RAB40B: variants seen among roughly 807,000 people sequenced by gnomAD.
RAB40B encodes ras-related protein Rab-40B.
Under a neutral mutation model 24.0 loss-of-function variants are expected in RAB40B, and 21 were observed. The observed-to-expected ratio is 0.88, with a 90% CI of 0.62 to 1.26. RAB40B has a LOEUF of 1.26. RAB40B is among the 50% of genes most tolerant of loss of function. The pLI is 0.00. For missense variants in RAB40B, 348 were observed against 390.5 expected (o/e 0.89, Z 0.92); for synonymous variants, 167 against 169.8 (o/e 0.98, Z 0.13).
chr17:82,683,168 C>CA (rs2046462794), intron 1 of RAB40B, among the ~76,000 whole-genome samples: 1 of 151,678 alleles, frequency 6.6e-6, no homozygotes, highest in Non-Finnish European at 1.5e-5. Flanking sequence ...AACAAACAAA[C>CA]AAAAAAACCC....
intron 1 of RAB40B, 152 bp from the exon 2 acceptor site, chr17:82,664,708 C>T (rs2046232292): frequency 1.4e-6 from 1 of 709,068 alleles, no homozygotes; most frequent in Admixed American, 2.7e-5. Flanking sequence ...TCTGCCCAAG[C>T]TCACAGGGGC....
chr17:82,677,002 G>A (rs1271061439), intron 1 of RAB40B, among the ~76,000 whole-genome samples: 1 of 151,582 alleles, frequency 6.6e-6, no homozygotes, highest in Non-Finnish European at 1.5e-5. Flanking sequence ...AGGCTGGAGT[G>A]CAGTGGCACG....
chr17:82,666,683 A>G (rs2046261747), intron 1 of RAB40B, among the ~76,000 whole-genome samples: 1 of 151,802 alleles, frequency 6.6e-6, no homozygotes, highest in Admixed American at 6.6e-5. Flanking sequence ...CATTGAGAAC[A>G]TGGAAAGAGA....
intron 1 of RAB40B, among the ~76,000 whole-genome samples, chr17:82,684,508 G>A (rs976757260): frequency 6.6e-6 from 1 of 152,160 alleles, no homozygotes; most frequent in Admixed American, 6.5e-5. Context: ...TTTTTTCATA[G>A]ATCGCCAAAA....
chr17:82,665,014 C>T (rs1028307175), intron 1 of RAB40B: 2 of 168,650 alleles, frequency 1.2e-5, no homozygotes, highest in Non-Finnish European at 2.6e-5. Context: ...ACTGAGACTG[C>T]GTCCCCCAGT....
At chr17:82,686,256 C>T (rs1207170417) in intron 1 of RAB40B, among the ~76,000 whole-genome samples, 1 of 151,808 alleles carries the variant, frequency 6.6e-6, no homozygotes, top group Non-Finnish European at 1.5e-5. Flanking sequence ...AGATAACAGG[C>T]ACCTGCCACC....
intron 1 of RAB40B, chr17:82,664,943 T>A: frequency 5.0e-6 from 1 of 198,106 alleles, no homozygotes; most frequent in East Asian, 1.4e-4. Flanking sequence ...CCTGCAGGCC[T>A]GAGAGCTCCG....
intron 1 of RAB40B, among the ~76,000 whole-genome samples, chr17:82,671,481 T>TCA (rs1568036574): frequency 2.5e-4 from 11 of 44,046 alleles, no homozygotes; most frequent in East Asian, 1.6e-3. Context: ...TAACACACAC[T>TCA]CACATGCTCC....
chr17:82,670,604 A>G (rs928676748), intron 1 of RAB40B, among the ~76,000 whole-genome samples: 9 of 144,286 alleles, frequency 6.2e-5, no homozygotes, highest in Non-Finnish European at 9.0e-5. Context: ...GCGCGATCTC[A>G]GCTCATTGTA....
chr17:82,660,047 C>T (rs11870950), intron 3 of RAB40B, among the ~76,000 whole-genome samples: 4,671 of 152,346 alleles, frequency 0.031, 255 homozygotes, highest in African/African-American at 0.11. Flanking sequence ...CACGCACACA[C>T]AGTGCACGTA....
intron 1 of RAB40B, among the ~76,000 whole-genome samples, chr17:82,671,099 G>A (rs912538760): frequency 4.0e-5 from 6 of 151,788 alleles, no homozygotes; most frequent in Non-Finnish European, 5.9e-5. Flanking sequence ...CACTACAGAA[G>A]ATGAAAATGT....
At chr17:82,666,186 C>G (rs1428243395) in intron 1 of RAB40B, among the ~76,000 whole-genome samples, 1 of 152,102 alleles carries the variant, frequency 6.6e-6, no homozygotes, top group African/African-American at 2.4e-5. Flanking sequence ...AAGTGATCCT[C>G]CCACTTCAGC....
chr17:82,666,306 G>A (rs1042422187), intron 1 of RAB40B, among the ~76,000 whole-genome samples: 8 of 151,686 alleles, frequency 5.3e-5, no homozygotes, highest in Non-Finnish European at 8.8e-5. Flanking sequence ...GTGCAGTGGT[G>A]CAATCTTGGC....
rs537341623 is a variant in RAB40B, at chr17:82,657,544, AC to A, written c.*318del. ...TAATCACTCCAATATCACCGTTCTT[AC>A]AAAAGCAGTTATTTTAAGGAAAAAG... On this transcript the variant is annotated 3_prime_UTR_variant, in exon 6 of 6. Transcript: ENST00000571995. 4.8e-4 allele frequency: 207 copies of A among 430,898 alleles called. No individual in the cohort carries two copies. The highest frequency in any genetic ancestry group is 1.2e-3 in the Admixed American group (36 of 30,190). 26.7% of individuals were successfully genotyped at this position (430,898 alleles called of 1,614,324 possible).
At chr17:82,666,834 T>C (rs978312231) in intron 1 of RAB40B, among the ~76,000 whole-genome samples, 2 of 152,250 alleles carry the variant, frequency 1.3e-5, no homozygotes, top group South Asian at 4.1e-4. Flanking sequence ...GCTTGATTTA[T>C]TTCATGTATA....
chr17:82,678,879 G>GTTTTTTTTTTTTTTTTTTTTTT (rs35848277), intron 1 of RAB40B, among the ~76,000 whole-genome samples: 2 of 99,164 alleles, frequency 2.0e-5, no homozygotes, highest in African/African-American at 3.9e-5. Context: ...CCCTTTCTGC[G>GTTTTTTTTTTTTTTTTTTTTTT]TTTTTTTTTT....
intron 5 of RAB40B, 118 bp from the exon 6 acceptor site, chr17:82,658,252 CTTGTA>C: frequency 7.2e-7 from 1 of 1,384,616 alleles, no homozygotes; most frequent in Non-Finnish European, 9.7e-7. Context: ...GTGGCCCTGG[CTTGTA>C]CATGCAGCAA....
chr17:82,674,648 AAAAAGAAAAG>A lies in RAB40B; in HGVS notation c.143-10102_143-10093del, dbSNP rs1215199420. The stretch of plus-strand genomic sequence containing the variant: ...AGCAAGACTCGTCTTAAAAAAAAAA[AAAAAGAAAAG>A]AAAAGAAAAGAAAAAGCAACCTAAA... On this transcript the variant is annotated intron_variant, in intron 1 of 5. Transcript: ENST00000571995. 1.3e-4 allele frequency among the ~76,000 whole-genome samples: 20 copies of A among 151,644 alleles called. No homozygotes were observed. The South Asian group carries it at 3.7e-3, about 28-fold the overall frequency.
intron 1 of RAB40B, among the ~76,000 whole-genome samples, chr17:82,689,665 A>C (rs1425490215): frequency 6.6e-6 from 1 of 152,200 alleles, no homozygotes; most frequent in East Asian, 1.9e-4. Context: ...GTGGTACCGC[A>C]GGAGGTAAAG....
Sources: allele counts gnomAD v4.1 joint callset (sites outside exome capture counted in the v4.1 genomes callset), GRCh38; gene constraint gnomAD v4.1.1; transcripts MANE v1.5; gene names NCBI Gene and HGNC (gene_info 2026-07-23, HGNC 2026-07-21).